Variants in ACOT1 observed in about 807,000 individuals in gnomAD.
ACOT1 encodes acyl-coenzyme A thioesterase 1.
In ACOT1, 8 loss-of-function variants were observed where a neutral mutation model predicts 15.7. The ratio of observed to expected loss-of-function variants is 0.51; its 90% CI spans 0.30 to 0.92. The LOEUF (loss-of-function observed/expected upper bound fraction) is 0.92. ACOT1 is among the 40% of genes least tolerant of loss of function. The pLI is 0.06. For synonymous variants in ACOT1, 67 were observed against 241.2 expected (o/e 0.28, Z 6.69); for missense variants, 151 against 539.4 (o/e 0.28, Z 7.13).
chr14:73,491,015 G>C, the ACOT1 span: 1 of 1,490,900 alleles, frequency 6.7e-7, no homozygotes, highest in Non-Finnish European at 9.0e-7. Flanking sequence ...GTGTGGTCTG[G>C]CCATGGATGG....
At chr14:73,491,005 G>C in the ACOT1 span, 3 of 1,411,140 alleles carry the variant, frequency 2.1e-6, no homozygotes, top group Admixed American at 2.8e-5. Context: ...GGGAAGACTG[G>C]TGTGGTCTGG....
chr14:73,523,102 C>T, the ACOT1 span: 3 of 1,610,202 alleles, frequency 1.9e-6, no homozygotes, highest in Non-Finnish European at 2.5e-6. Context: ...GGGGCAGTGA[C>T]TGATAGAAGC....
the ACOT1 span, chr14:73,492,660 T>C: frequency 6.2e-7 from 1 of 1,613,796 alleles, no homozygotes; most frequent in Non-Finnish European, 8.5e-7. The surrounding 1 kb of genome is among the most constrained non-coding windows in gnomAD (Gnocchi z 4.9). Flanking sequence ...GAAACAGAAG[T>C]CCATATGCTT....
chr14:73,492,602 C>T, the ACOT1 span: 1 of 1,613,722 alleles, frequency 6.2e-7, no homozygotes, highest in African/African-American at 1.3e-5. This position sits in a 1 kb window ranked among gnomAD's most constrained non-coding sequence, Gnocchi z 4.9. Flanking sequence ...GCTTCCAATT[C>T]GCTGGGAGGC....
chr14:73,493,052 G>C, the ACOT1 span: 2 of 1,597,072 alleles, frequency 1.3e-6, no homozygotes, highest in East Asian at 4.5e-5. Context: ...AAGCATCAGT[G>C]TGCTCACATT....
At chr14:73,518,877 T>C in the ACOT1 span, 3 of 675,920 alleles carry the variant, frequency 4.4e-6, no homozygotes. Context: ...GAGATTATTT[T>C]TAGTACGTAG....
chr14:73,528,838 G>A, the ACOT1 span: 10 of 152,168 alleles, frequency 6.6e-5, no homozygotes, highest in African/African-American at 2.2e-4. Flanking sequence ...TGCACTGAGC[G>A]CTTCGGGAAG....
chr14:73,503,056 G>A, the ACOT1 span: 2 of 1,431,480 alleles, frequency 1.4e-6, no homozygotes, highest in Non-Finnish European at 9.8e-7. Flanking sequence ...CTTAATGAAT[G>A]TTAATTTTGT....
chr14:73,506,898 T>A, the ACOT1 span, among the ~76,000 whole-genome samples: 11 of 147,084 alleles, frequency 7.5e-5, no homozygotes, highest in African/African-American at 2.8e-4. Flanking sequence ...CCTCTCGGGT[T>A]CAAGTGATTC....
the ACOT1 span, among the ~76,000 whole-genome samples, chr14:73,510,916 A>G: frequency 1.3e-5 from 2 of 152,250 alleles, no homozygotes; most frequent in Non-Finnish European, 2.9e-5. Flanking sequence ...TACAGTATCC[A>G]GGGAGGCCCA....
intron 1 of ACOT1, among the ~76,000 whole-genome samples, chr14:73,540,082 A>C (rs1889024421): frequency 8.3e-6 from 1 of 120,936 alleles, no homozygotes; most frequent in Non-Finnish European, 1.8e-5. Context: ...GAAGTGGCCC[A>C]CTTTTAGAAG....
At chr14:73,503,038 T>TGATGATACCTA in the ACOT1 span, 1 of 1,528,032 alleles carries the variant, frequency 6.5e-7, no homozygotes, top group Non-Finnish European at 9.1e-7. Flanking sequence ...GATCATTAGG[T>TGATGATACCTA]ATCATCACTT....
At chr14:73,492,784 C>T in the ACOT1 span, 7 of 1,613,838 alleles carry the variant, frequency 4.3e-6, no homozygotes, top group Non-Finnish European at 5.9e-6. The surrounding 1 kb of genome is among the most constrained non-coding windows in gnomAD (Gnocchi z 4.9). Flanking sequence ...AAATATACCC[C>T]CAGCAAGCTG....
chr14:73,503,021 T>C, the ACOT1 span: 1 of 1,578,538 alleles, frequency 6.3e-7, no homozygotes, highest in Non-Finnish European at 8.7e-7. Flanking sequence ...ATCCTATAAA[T>C]AGGTATGATC....
At chr14:73,495,161 A>G in the ACOT1 span, 1 of 1,447,552 alleles carries the variant, frequency 6.9e-7, no homozygotes, top group Non-Finnish European at 9.5e-7. Flanking sequence ...AAGTCCCAAA[A>G]CATCCAGATC....
the ACOT1 span, among the ~76,000 whole-genome samples, chr14:73,531,404 G>A: frequency 1.8e-5 from 2 of 108,470 alleles, 1 homozygote; most frequent in Admixed American, 2.1e-4. Flanking sequence ...TTGAATGGTA[G>A]TTTCATGGAG....
the ACOT1 span, chr14:73,521,151 C>T: frequency 4.2e-5 from 37 of 890,514 alleles, no homozygotes; most frequent in East Asian, 7.3e-5. Context: ...CTCCTATACA[C>T]GTGAGCATTG....
At chr14:73,522,179 G>A in the ACOT1 span, 4 of 1,285,936 alleles carry the variant, frequency 3.1e-6, no homozygotes, top group South Asian at 5.6e-5. Context: ...ATGGGAGAGT[G>A]CATTCTGAAA....
At chr14:73,490,976 GC>G in the ACOT1 span, 4 of 1,316,452 alleles carry the variant, frequency 3.0e-6, no homozygotes, top group Non-Finnish European at 2.9e-6. Context: ...CTTTAGCTTC[GC>G]CCCCGGCCGG....
Sources: gnomAD v4.1 joint callset for allele counts (sites outside exome capture counted in the v4.1 genomes callset) on GRCh38, gnomAD v4.1.1 for gene constraint, Gnocchi (gnomAD v3.1) non-coding constraint, MANE v1.5 for transcripts, NCBI Gene and HGNC (gene_info 2026-07-23, HGNC 2026-07-21) for gene names.